The following RSPO2 variants were observed in gnomAD, a reference collection of about 807,000 sequenced individuals.
RSPO2 encodes R-spondin-2.
A neutral mutation model predicts 30.9 loss-of-function variants in RSPO2; 14 were observed. The observed-to-expected ratio is 0.45, with a 90% CI of 0.30 to 0.71. The LOEUF (loss-of-function observed/expected upper bound fraction) is 0.71, where lower values mean the gene tolerates loss of function less well. Ranked by LOEUF, RSPO2 falls within the 30% of genes least tolerant of loss-of-function variation. RSPO2 has a pLI of 0.08. For synonymous variants in RSPO2, 107 were observed against 96.4 expected (o/e 1.11, Z -0.64); for missense variants, 264 against 301.9 (o/e 0.87, Z 0.93).
chr8:107,956,022 T>G (rs535542326), intron 5 of RSPO2, among the ~76,000 whole-genome samples: 1 of 152,310 alleles, frequency 6.6e-6, no homozygotes, highest in African/African-American at 2.4e-5. Context: ...CATGACCTAT[T>G]GAAGAAAGGA....
chr8:107,994,425 A>T (rs1439911841), intron 2 of RSPO2, among the ~76,000 whole-genome samples: 2 of 152,002 alleles, frequency 1.3e-5, no homozygotes, highest in African/African-American at 2.4e-5. Flanking sequence ...TACTGATGGG[A>T]CATGGTGGGA....
intron 2 of RSPO2, among the ~76,000 whole-genome samples, chr8:108,068,062 C>A (rs1273124967): frequency 6.6e-6 from 1 of 151,848 alleles, no homozygotes; most frequent in African/African-American, 2.4e-5. Flanking sequence ...GAGTGAGACT[C>A]CGTCTCAAAA....
intron 2 of RSPO2, among the ~76,000 whole-genome samples, chr8:107,996,328 C>T (rs1815023696): frequency 6.6e-6 from 1 of 152,104 alleles, no homozygotes; most frequent in African/African-American, 2.4e-5. Flanking sequence ...CACGAAAAAG[C>T]CACCCCTTTA....
intron 5 of RSPO2, among the ~76,000 whole-genome samples, chr8:107,911,811 C>T (rs1025850317): frequency 6.6e-6 from 1 of 152,120 alleles, no homozygotes; most frequent in Non-Finnish European, 1.5e-5. Flanking sequence ...CTATAGTCTT[C>T]GGATCCCTTA....
rs543437958 is a variant in RSPO2, at chr8:107,999,471, G to A, written c.95-10227C>T. 2.6e-5 allele frequency among the ~76,000 whole-genome samples: 4 copies of A among 152,270 alleles called. No homozygotes were observed. The South Asian group carries it at 8.3e-4, about 32-fold the overall frequency. On this transcript the variant is annotated intron_variant, in intron 2 of 5. Coordinates refer to ENST00000276659, the MANE Select transcript of RSPO2 (RefSeq NM_178565.5). ...TTGTTTTGAGACAAAGTCTTACTGT[G>A]TCGCCCAGGTTGGAGCGCAGTGGCA...
intron 5 of RSPO2, among the ~76,000 whole-genome samples, chr8:107,905,872 G>T (rs1391340198): frequency 2.6e-5 from 4 of 151,626 alleles, no homozygotes; most frequent in African/African-American, 7.3e-5. Context: ...ACACCAACTG[G>T]TTTCTAAAAT....
At chr8:108,068,888 G>A (rs1393178126) in intron 2 of RSPO2, among the ~76,000 whole-genome samples, 5 of 152,164 alleles carry the variant, frequency 3.3e-5, no homozygotes, top group Non-Finnish European at 7.3e-5. Flanking sequence ...CCTCCAGATG[G>A]TGAGAAAAGA....
At chr8:108,004,143 G>A (rs780362122) in intron 2 of RSPO2, among the ~76,000 whole-genome samples, 1 of 152,094 alleles carries the variant, frequency 6.6e-6, no homozygotes. Flanking sequence ...AAACACTTCA[G>A]AGTAAAACTG....
chr8:107,951,248 C>T (rs1268481345), intron 5 of RSPO2, among the ~76,000 whole-genome samples: 1 of 151,916 alleles, frequency 6.6e-6, no homozygotes, highest in East Asian at 1.9e-4. Flanking sequence ...TACAGAGTTT[C>T]ACCACATGTT....
intron 5 of RSPO2, among the ~76,000 whole-genome samples, chr8:107,948,675 C>T (rs748187646): frequency 3.0e-4 from 45 of 151,870 alleles, no homozygotes; most frequent in Non-Finnish European, 4.9e-4. Flanking sequence ...CTGGCTAACA[C>T]GGTGAAACCC....
chr8:107,915,357 C>T (rs928573606), intron 5 of RSPO2, among the ~76,000 whole-genome samples: 3 of 152,112 alleles, frequency 2.0e-5, no homozygotes, highest in Non-Finnish European at 4.4e-5. Context: ...CCAACACCTT[C>T]TTCCTTCTCC....
intron 5 of RSPO2, among the ~76,000 whole-genome samples, chr8:107,928,189 C>T (rs1416899478): frequency 2.6e-5 from 4 of 152,092 alleles, no homozygotes; most frequent in East Asian, 1.9e-4. Flanking sequence ...CCCCTTCTGT[C>T]GTTACTTCAG....
chr8:107,974,841 T>TACACACAC (rs750816937), intron 3 of RSPO2, among the ~76,000 whole-genome samples: 2 of 94,320 alleles, frequency 2.1e-5, no homozygotes, highest in South Asian at 7.0e-4. Context: ...AACACACACA[T>TACACACAC]ACACATACAC....
chr8:107,928,115 G>A (rs753696109), intron 5 of RSPO2, among the ~76,000 whole-genome samples: 3 of 152,086 alleles, frequency 2.0e-5, no homozygotes, highest in Non-Finnish European at 4.4e-5. Context: ...AGACCCATGA[G>A]AATACTTAAG....
chr8:108,004,338 A>G (rs1289450775), intron 2 of RSPO2, among the ~76,000 whole-genome samples: 3 of 152,104 alleles, frequency 2.0e-5, no homozygotes, highest in African/African-American at 7.2e-5. Context: ...ATCACCCCCA[A>G]ACCATGCAAT....
intron 2 of RSPO2, among the ~76,000 whole-genome samples, chr8:108,070,911 T>C (rs1222297112): frequency 6.6e-6 from 1 of 152,200 alleles, no homozygotes; most frequent in African/African-American, 2.4e-5. Flanking sequence ...TTTCTTTAAT[T>C]TCAAAAATAA....
intron 2 of RSPO2, among the ~76,000 whole-genome samples, chr8:108,006,251 A>C (rs2130573246): frequency 6.6e-6 from 1 of 152,306 alleles, no homozygotes; most frequent in Non-Finnish European, 1.5e-5. Context: ...TTGCATAGGA[A>C]GTTCTCTGAT....
intron 2 of RSPO2, among the ~76,000 whole-genome samples, chr8:108,075,184 A>T (rs1812972223): frequency 6.6e-6 from 1 of 152,204 alleles, no homozygotes; most frequent in Non-Finnish European, 1.5e-5. Context: ...AGTATTTTTT[A>T]AAATATGGGT....
At chr8:107,976,524 G>A (rs899991865) in intron 3 of RSPO2, among the ~76,000 whole-genome samples, 2 of 152,194 alleles carry the variant, frequency 1.3e-5, no homozygotes, top group African/African-American at 4.8e-5. Flanking sequence ...TGCAGTTTGA[G>A]GAGACAGGCT....
Sources: allele counts gnomAD v4.1 joint callset (sites outside exome capture counted in the v4.1 genomes callset), GRCh38; gene constraint gnomAD v4.1.1; transcripts MANE v1.5; gene names NCBI Gene and HGNC (gene_info 2026-07-23, HGNC 2026-07-21).